PIEZO2: variants seen among roughly 807,000 people sequenced by gnomAD.
PIEZO2 encodes piezo-type mechanosensitive ion channel component 2.
In PIEZO2, 172 loss-of-function variants were observed where a neutral mutation model predicts 337.3. The observed-to-expected ratio is 0.51, with a 90% confidence interval of 0.45 to 0.58. PIEZO2 has a LOEUF of 0.58. Ranked by LOEUF, PIEZO2 falls within the 20% of genes least tolerant of loss-of-function variation. The pLI, the probability that PIEZO2 is intolerant of heterozygous loss-of-function variation, is 0.00. For missense variants in PIEZO2, 3,028 were observed against 3,391.3 expected, an observed-to-expected ratio of 0.89 and a Z score of 2.66; for synonymous variants, 1,251 against 1,228.5, an observed-to-expected ratio of 1.02 and a Z score of -0.38.
At position 11,126,278 on chromosome 18, in the gene PIEZO2, G is replaced by A. The variant is rs983275391; in HGVS notation, c.64+22247C>T. Among the ~76,000 whole-genome samples the A allele has an allele frequency of 3.9e-5, 6 of 152,108 alleles. No individual in the cohort carries two copies. Among genetic ancestry groups the A allele is most frequent in the East Asian group, 3.9e-4 (2 of 5,186 alleles). On this transcript the variant is annotated intron_variant, in intron 1 of 55. Transcript: ENST00000674853. This position sits in a 1 kb window ranked among gnomAD's most constrained non-coding sequence, Gnocchi z 4.6. The stretch of plus-strand genomic sequence containing the variant: ...TTTTGTTTATTATTTTCCAGAAATC[G>A]GTTTTGGTGGTGAGGAATGATCTGT...
chr18:10,696,416 A>G lies in PIEZO2; in HGVS notation c.6951T>C (p.Ile2317=), dbSNP rs149760063. ...CCCCAAAGGCCCAAAAGCCGAAGAC[A>G]ATGATGATGAAGTCCACAGTGTCAG... ...FLADTVDFII[I]VFGFWAFGKH... Residue 2317 remains isoleucine (I), a synonymous_variant, in exon 46 of 56, where the codon ATT becomes ATC. Coordinates refer to ENST00000674853, the MANE Select transcript of PIEZO2 (RefSeq NM_001378183.1). 4.5e-5 allele frequency: 72 copies of G among 1,614,232 alleles called. No individual in the cohort carries two copies. The highest frequency in any genetic ancestry group is 5.9e-5 in the Non-Finnish European group (70 of 1,180,038).
At chr18:10,925,672 C>A (rs1056806393) in intron 3 of PIEZO2, among the ~76,000 whole-genome samples, 1 of 152,158 alleles carries the variant, frequency 6.6e-6, no homozygotes, top group Admixed American at 6.5e-5. Context: ...CTCTGCCTCC[C>A]GTGTTCACGC....
rs1004183545 is a variant in PIEZO2, at chr18:11,053,848, T to C, written c.160+12279A>G. ...CTGGACAACGTGGTAAAACCCCGTC[T>C]CTACTAAAAAAAAAAAATTGTAAAA... is the stretch of plus-strand genomic sequence containing the variant. On this transcript the variant is annotated intron_variant, in intron 2 of 55. Transcript: ENST00000674853. 2.0e-5 allele frequency among the ~76,000 whole-genome samples: 3 copies of C among 151,714 alleles called. No homozygotes were observed. The South Asian group carries it at 6.3e-4, about 32-fold the overall frequency.
rs757509282 is a variant in PIEZO2, at chr18:11,021,920, C to G, written c.161-42260G>C. 6.6e-6 allele frequency among the ~76,000 whole-genome samples: 1 copy of G among 152,174 alleles called. No individual in the cohort carries two copies. Among genetic ancestry groups the G allele is most frequent in the Non-Finnish European group, 1.5e-5 (1 of 68,034 alleles). On this transcript the variant is annotated intron_variant, in intron 2 of 55. Coordinates refer to ENST00000674853, the MANE Select transcript of PIEZO2 (RefSeq NM_001378183.1). This position sits in a 1 kb window ranked among gnomAD's most constrained non-coding sequence, Gnocchi z 4.7. ...TTGGACTTCCCTTTCCTAGTTGTTC[C>G]TAAATCCCTGTGCCCCTTGCAGAGT...
intron 3 of PIEZO2, among the ~76,000 whole-genome samples, chr18:10,935,113 T>A (rs1190925949): frequency 6.6e-6 from 1 of 152,194 alleles, no homozygotes; most frequent in Non-Finnish European, 1.5e-5. Flanking sequence ...TCCATTAAAC[T>A]ATATAGATAG....
At chr18:10,873,557 GT>G (rs2042190416) in intron 4 of PIEZO2, among the ~76,000 whole-genome samples, 1 of 152,020 alleles carries the variant, frequency 6.6e-6, no homozygotes, top group South Asian at 2.1e-4. Context: ...CATTTAACAT[GT>G]CATTAACATT....
chr18:10,957,882 A>G (rs1384437734), intron 3 of PIEZO2, among the ~76,000 whole-genome samples: 1 of 152,190 alleles, frequency 6.6e-6, no homozygotes, highest in African/African-American at 2.4e-5. Context: ...CTCAGAAGAG[A>G]TGTGAATGGC....
chr18:11,020,524 T>C (rs2036272985), intron 2 of PIEZO2, among the ~76,000 whole-genome samples: 1 of 152,188 alleles, frequency 6.6e-6, no homozygotes, highest in African/African-American at 2.4e-5. Context: ...TACTGATGTA[T>C]TTTTCTAGAA....
chr18:10,786,982 A>G (rs1416223401), intron 16 of PIEZO2, 54 bp downstream of exon 16: 14 of 1,446,476 alleles, frequency 9.7e-6, no homozygotes, highest in South Asian at 1.3e-5. Flanking sequence ...TGCTTTGAAC[A>G]ATATGCATTC....
chr18:10,799,662 AC>A (rs1174322397), intron 11 of PIEZO2, among the ~76,000 whole-genome samples: 2 of 152,118 alleles, frequency 1.3e-5, no homozygotes, highest in Non-Finnish European at 2.9e-5. Flanking sequence ...TAAAAAATGG[AC>A]AAAAAAAAGG....
chr18:10,904,704 C>A (rs1400261125), intron 4 of PIEZO2, among the ~76,000 whole-genome samples: 1 of 152,238 alleles, frequency 6.6e-6, no homozygotes, highest in Non-Finnish European at 1.5e-5. Flanking sequence ...CAGGATGGAG[C>A]AGGCACTGGA....
At position 10,773,728 on chromosome 18, in the gene PIEZO2, G is replaced by T; in HGVS notation, c.2568-99C>A. 1 of 1,172,306 alleles carries T rather than the reference G, an allele frequency of 8.5e-7. No homozygotes were observed. The highest frequency in any genetic ancestry group is 1.4e-5 in the South Asian group (1 of 72,150). 72.6% of individuals were successfully genotyped at this position (1,172,306 alleles called of 1,614,324 possible). A position where few individuals can be genotyped will look rare whatever the true frequency, so the allele number is the denominator to read the frequency against. ...GAGGATAAACACAAATGAAATCAGT[G>T]CATGTACAAAGACCTCACAAGGTGG... is the stretch of plus-strand genomic sequence containing the variant. On this transcript the variant is annotated intron_variant, in intron 19 of 55. Transcript: ENST00000674853. The surrounding 1 kb of genome is among the most constrained non-coding windows in gnomAD (Gnocchi z 5.3).
At chr18:10,684,835 T>C (rs1469595519) in intron 49 of PIEZO2, among the ~76,000 whole-genome samples, 1 of 152,180 alleles carries the variant, frequency 6.6e-6, no homozygotes, top group African/African-American at 2.4e-5. Flanking sequence ...TCCTAGGCCA[T>C]TCAACTCTTT....
rs2039687533 is a variant in PIEZO2, at chr18:11,110,133, T to C, written c.64+38392A>G. ...TCAGCCTTTCCTTTTCTTTTTAAAA[T>C]TCTTATTTAAAGACAGCATCTTACT... On this transcript the variant is annotated intron_variant, in intron 1 of 55. Transcript: ENST00000674853. The surrounding 1 kb of genome is among the most constrained non-coding windows in gnomAD (Gnocchi z 4.2). Among the ~76,000 whole-genome samples the C allele has an allele frequency of 1.3e-5, 2 of 152,148 alleles. No homozygotes were observed. Among genetic ancestry groups the C allele is most frequent in the Non-Finnish European group, 2.9e-5 (2 of 68,020 alleles).
chr18:10,720,158 A>G (rs1402474729), intron 36 of PIEZO2, among the ~76,000 whole-genome samples: 1 of 149,834 alleles, frequency 6.7e-6, no homozygotes, highest in Admixed American at 6.8e-5. Context: ...ATTATTTGTT[A>G]TGTTAAAAAC....
At chr18:10,764,392 A>T (rs2038266991) in intron 21 of PIEZO2, among the ~76,000 whole-genome samples, 1 of 152,122 alleles carries the variant, frequency 6.6e-6, no homozygotes, top group Admixed American at 6.6e-5. Context: ...CTGTAATCCT[A>T]GCACTTTGGG....
chr18:10,904,974 G>A (rs917234009), intron 4 of PIEZO2, among the ~76,000 whole-genome samples: 1 of 152,116 alleles, frequency 6.6e-6, no homozygotes, highest in Non-Finnish European at 1.5e-5. Context: ...GCCCAGGGGT[G>A]GGCAGGAAGC....
intron 2 of PIEZO2, among the ~76,000 whole-genome samples, chr18:11,053,137 G>T (rs1303495379): frequency 1.3e-5 from 2 of 152,168 alleles, no homozygotes; most frequent in Non-Finnish European, 2.9e-5. Context: ...TTAAACGTGT[G>T]TTGTGAAAAT....
Position 11,038,240 on chromosome 18 carries a change from C to G in PIEZO2, c.160+27887G>C, listed in dbSNP as rs1277806302. Among the ~76,000 whole-genome samples, 1 of 152,144 alleles carries G rather than the reference C, an allele frequency of 6.6e-6. No homozygotes were observed. The highest frequency in any genetic ancestry group is 1.5e-5 in the Non-Finnish European group (1 of 68,040). ...AGCCATAAAAATCATACCACCCGTT[C>G]ACATATAATTCATCATATTCTGCTT... On this transcript the variant is annotated intron_variant, in intron 2 of 55. Transcript: ENST00000674853. The surrounding 1 kb of genome is among the most constrained non-coding windows in gnomAD (Gnocchi z 4.1).
Sources: gnomAD v4.1 joint callset for allele counts (sites outside exome capture counted in the v4.1 genomes callset) on GRCh38, gnomAD v4.1.1 for gene constraint, Gnocchi (gnomAD v3.1) non-coding constraint, MANE v1.5 for transcripts, NCBI Gene and HGNC (gene_info 2026-07-23, HGNC 2026-07-21) for gene names.